MAN1C1: variants seen among roughly 807,000 people sequenced by gnomAD.
MAN1C1 encodes mannosyl-oligosaccharide 1,2-alpha-mannosidase IC.
A neutral mutation model predicts 71.5 loss-of-function variants in MAN1C1; 49 were observed. That is an observed-to-expected ratio of 0.69 (90% confidence interval 0.54 to 0.87). MAN1C1 has a LOEUF of 0.87. Ranked by LOEUF, MAN1C1 falls within the 40% of genes least tolerant of loss-of-function variation. The pLI is 0.00. For synonymous variants in MAN1C1, 352 were observed against 343.7 expected (o/e 1.02, Z -0.27); for missense variants, 743 against 835.0 (o/e 0.89, Z 1.36).
chr1:25,745,732 G>GT (rs1251604001), intron 2 of MAN1C1, among the ~76,000 whole-genome samples: 3 of 152,196 alleles, frequency 2.0e-5, no homozygotes, highest in Admixed American at 2.0e-4. Flanking sequence ...GCTCACGCCT[G>GT]TAATTCCAGC....
At chr1:25,700,775 TC>T (rs983488353) in intron 2 of MAN1C1, among the ~76,000 whole-genome samples, 2 of 152,132 alleles carry the variant, frequency 1.3e-5, no homozygotes, top group African/African-American at 4.8e-5. Flanking sequence ...TTGACAGACA[TC>T]AGTAAATTTC....
At chr1:25,714,431 G>A (rs1330343368) in intron 2 of MAN1C1, among the ~76,000 whole-genome samples, 1 of 152,138 alleles carries the variant, frequency 6.6e-6, no homozygotes, top group Non-Finnish European at 1.5e-5. Flanking sequence ...GAATAAAAAT[G>A]TTTGCAGTAA....
intron 2 of MAN1C1, among the ~76,000 whole-genome samples, chr1:25,741,896 GGGGGTTCT>G (rs1044356854): frequency 2.6e-5 from 4 of 152,208 alleles, no homozygotes; most frequent in African/African-American, 9.7e-5. Context: ...ATTTGGGTTG[GGGGGTTCT>G]GACCTTTGGG....
intron 1 of MAN1C1, among the ~76,000 whole-genome samples, chr1:25,661,815 TGAAA>T (rs2045853449): frequency 6.6e-6 from 1 of 152,242 alleles, no homozygotes; most frequent in African/African-American, 2.4e-5. Flanking sequence ...AAATATGTAA[TGAAA>T]GAAATATCAC....
At chr1:25,728,267 T>TC (rs2046861039) in intron 2 of MAN1C1, among the ~76,000 whole-genome samples, 1 of 151,642 alleles carries the variant, frequency 6.6e-6, no homozygotes, top group Non-Finnish European at 1.5e-5. Context: ...CTGGCCGGAG[T>TC]CCCCTCCCCT....
rs1433119832 is a variant in MAN1C1, at chr1:25,711,855, G to A, written c.637+25319G>A. ...AAAAGATTCCTTTCATTCAGATCAT[G>A]AGACAGAATTGGGAAATTTAAAAAT... On this transcript the variant is annotated intron_variant, in intron 2 of 11. Transcript: ENST00000374332. The surrounding 1 kb of genome is among the most constrained non-coding windows in gnomAD (Gnocchi z 4.3). Among the ~76,000 whole-genome samples the A allele has an allele frequency of 1.3e-5, 2 of 152,242 alleles. No individual in the cohort carries two copies. Among genetic ancestry groups the A allele is most frequent in the African/African-American group, 4.8e-5 (2 of 41,452 alleles).
At chr1:25,707,913 G>A (rs2046546484) in intron 2 of MAN1C1, among the ~76,000 whole-genome samples, 1 of 152,156 alleles carries the variant, frequency 6.6e-6, no homozygotes, top group African/African-American at 2.4e-5. Flanking sequence ...TCCTATCTGG[G>A]GGAGGCTGGG....
chr1:25,648,272 A>G (rs1028827121), intron 1 of MAN1C1, among the ~76,000 whole-genome samples: 1 of 152,192 alleles, frequency 6.6e-6, no homozygotes, highest in Non-Finnish European at 1.5e-5. Context: ...TTTAAGTTCC[A>G]TGATTAGGAA....
chr1:25,690,288 CTTTTTTTTT>C (rs33932251), intron 2 of MAN1C1, among the ~76,000 whole-genome samples: 1 of 119,762 alleles, frequency 8.3e-6, no homozygotes, highest in African/African-American at 3.6e-5. Flanking sequence ...ATCTCTGCCT[CTTTTTTTTT>C]TTTTTTTTTT....
intron 1 of MAN1C1, among the ~76,000 whole-genome samples, chr1:25,641,498 C>T (rs774769748): frequency 3.3e-5 from 5 of 152,270 alleles, no homozygotes; most frequent in African/African-American, 9.6e-5. Context: ...GTAAAAGAAC[C>T]GGTCTTGTGA....
rs2124413692 is a variant in MAN1C1, at chr1:25,778,421, C to A, written c.1477+97C>A. 1 of 1,243,820 alleles carries A rather than the reference C, an allele frequency of 8.0e-7. No individual in the cohort carries two copies. The highest frequency in any genetic ancestry group is 1.1e-6 in the Non-Finnish European group (1 of 903,584). The allele number at this position is 1,243,820 out of a possible 1,614,324, so 77.0% of individuals were successfully genotyped here. A position where few individuals can be genotyped will look rare whatever the true frequency, so the allele number is the denominator to read the frequency against. The stretch of plus-strand genomic sequence containing the variant: ...AGCAGTGAGCGAAGGGAGCACATGG[C>A]CTTAGGGAAGCCTCCCCTTGGAAGT... On this transcript the variant is annotated intron_variant, in intron 9 of 11. Transcript: ENST00000374332. This position sits in a 1 kb window ranked among gnomAD's most constrained non-coding sequence, Gnocchi z 5.5.
Position 25,783,723 on chromosome 1 carries a change from C to T in MAN1C1, c.1827C>T (p.Asn609=), listed in dbSNP as rs779295145. The part of the protein sequence containing the change: ...DLLSLEDWVF[N]TEAHPLPVNH... ...TCTCCCTGGAAGACTGGGTGTTCAA[C>T]ACCGAGGCCCACCCACTCCCGGTGA... The change falls in exon 12 of 12, where the codon AAC becomes AAT. Residue 609 remains asparagine, a synonymous_variant. Coordinates refer to ENST00000374332, the MANE Select transcript of MAN1C1 (RefSeq NM_020379.4). The T allele has an allele frequency of 2.5e-6, 4 of 1,613,274 alleles. No individual in the cohort carries two copies. Among genetic ancestry groups the T allele is most frequent in the Admixed American group, 3.3e-5 (2 of 60,012 alleles).
chr1:25,644,518 A>ATATATATATATATTTTTTTTTT (rs61386117), intron 1 of MAN1C1: 1 of 40,288 alleles, frequency 2.5e-5, no homozygotes, highest in African/African-American at 1.9e-4. Flanking sequence ...ATATATATAT[A>ATATATATATATATTTTTTTTTT]TTTTTTTTTT....
intron 10 of MAN1C1, 79 bp downstream of exon 10, chr1:25,781,191 T>G (rs146712829): frequency 6.5e-7 from 1 of 1,532,886 alleles, no homozygotes; most frequent in East Asian, 2.3e-5. Flanking sequence ...GTGCCCTGGC[T>G]TGGGCCTGGA....
rs1226105916 is a variant in MAN1C1 at position 25,683,553 on chromosome 1, G to A, written c.541-2887G>A. On this transcript the variant is annotated intron_variant, in intron 1 of 11. Coordinates refer to ENST00000374332, the MANE Select transcript of MAN1C1 (RefSeq NM_020379.4). ...CTTGACTGCAGGCCACCATGGGTCT[G>A]CATCAGGAATGTGGGAAGGATGACT... 2.0e-5 allele frequency among the ~76,000 whole-genome samples: 3 copies of A among 152,234 alleles called. No homozygotes were observed. In the East Asian group the frequency reaches 5.8e-4, roughly 29 times the overall value.
intron 7 of MAN1C1, among the ~76,000 whole-genome samples, chr1:25,765,938 T>C (rs756739252): frequency 7.2e-5 from 11 of 152,220 alleles, no homozygotes; most frequent in Non-Finnish European, 1.5e-4. Flanking sequence ...GAAGCTTGAA[T>C]TGCAGATTAT....
At position 25,735,929 on chromosome 1, in the gene MAN1C1, C is replaced by A. The variant is rs896961138; in HGVS notation, c.638-10739C>A. Among the ~76,000 whole-genome samples, 2 of 152,296 alleles carry A rather than the reference C, an allele frequency of 1.3e-5. No homozygotes were observed. Among genetic ancestry groups the A allele is most frequent in the East Asian group, 1.9e-4 (1 of 5,178 alleles). On this transcript the variant is annotated intron_variant, in intron 2 of 11. Coordinates refer to ENST00000374332, the MANE Select transcript of MAN1C1 (RefSeq NM_020379.4). The surrounding 1 kb of genome is among the most constrained non-coding windows in gnomAD (Gnocchi z 4.6). ...CCCACTATGAAGCCAAAGCAAGTTACATGGAAAAGCACAAGGTTAATGGGA... is the reference window on the plus strand; with the variant it reads ...CCCACTATGAAGCCAAAGCAAGTTAAATGGAAAAGCACAAGGTTAATGGGA...
intron 2 of MAN1C1, among the ~76,000 whole-genome samples, chr1:25,726,426 A>T (rs2046831659): frequency 6.6e-6 from 1 of 152,200 alleles, no homozygotes; most frequent in South Asian, 2.1e-4. Context: ...TGAGACACAC[A>T]GCCACTGACT....
In MAN1C1 at chr1:25,775,329, G is replaced by A. The variant is rs571249215; in HGVS notation, c.1258-2776G>A. Among the ~76,000 whole-genome samples, 2 of 152,356 alleles carry A rather than the reference G, an allele frequency of 1.3e-5. No individual in the cohort carries two copies. Among genetic ancestry groups the A allele is most frequent in the Non-Finnish European group, 2.9e-5 (2 of 68,036 alleles). On this transcript the variant is annotated intron_variant, in intron 8 of 11. Transcript: ENST00000374332. This position sits in a 1 kb window ranked among gnomAD's most constrained non-coding sequence, Gnocchi z 5.1. ...GCAGGTGTCCTCAGCACTCCCCCAT[G>A]TGGAGCAGGTGCCCTGGCATGTCAC...
Sources: allele counts gnomAD v4.1 joint callset (sites outside exome capture counted in the v4.1 genomes callset), GRCh38; gene constraint gnomAD v4.1.1; non-coding constraint Gnocchi (gnomAD v3.1); transcripts MANE v1.5; gene names NCBI Gene and HGNC (gene_info 2026-07-23, HGNC 2026-07-21).